IMMP2L: variants seen among roughly 807,000 people sequenced by gnomAD.
IMMP2L encodes mitochondrial inner membrane protease subunit 2.
A neutral mutation model predicts 19.3 loss-of-function variants in IMMP2L; 18 were observed. That is an observed-to-expected ratio of 0.93 (90% CI 0.64 to 1.38). IMMP2L has a LOEUF of 1.38. Among genes scored for constraint, IMMP2L ranks in the 40% most tolerant of loss-of-function variants. The pLI, the probability that IMMP2L is intolerant of heterozygous loss-of-function variation, is 0.00. For missense variants in IMMP2L, 233 were observed against 218.2 expected (o/e 1.07, Z -0.43); for synonymous variants, 76 against 73.0 (o/e 1.04, Z -0.21).
intron 3 of IMMP2L, among the ~76,000 whole-genome samples, chr7:111,317,007 G>A (rs963741686): frequency 6.6e-6 from 1 of 151,530 alleles, no homozygotes; most frequent in Non-Finnish European, 1.5e-5. Flanking sequence ...GTGCAACCAC[G>A]CCCAACTAAT....
chr7:110,702,462 TAAG>T (rs1794351141), intron 5 of IMMP2L, among the ~76,000 whole-genome samples: 1 of 152,168 alleles, frequency 6.6e-6, no homozygotes, highest in South Asian at 2.1e-4. Context: ...ATATTAATAT[TAAG>T]ATCTTAGTGC....
chr7:111,052,200 G>T (rs1182008980), intron 3 of IMMP2L, among the ~76,000 whole-genome samples: 1 of 152,176 alleles, frequency 6.6e-6, no homozygotes, highest in Non-Finnish European at 1.5e-5. Context: ...ATCTCTTGTG[G>T]AGGAAATATG....
intron 3 of IMMP2L, among the ~76,000 whole-genome samples, chr7:111,119,150 T>C (rs1360501215): frequency 6.6e-6 from 1 of 152,166 alleles, no homozygotes; most frequent in Non-Finnish European, 1.5e-5. Flanking sequence ...AACGAATTAA[T>C]TGACAGAAGT....
intron 3 of IMMP2L, among the ~76,000 whole-genome samples, chr7:111,255,073 G>A (rs1182508307): frequency 1.3e-5 from 2 of 151,804 alleles, no homozygotes; most frequent in African/African-American, 4.8e-5. Context: ...TGATGAAACT[G>A]CCAGTTAAAT....
At chr7:111,478,878 T>C (rs1563243197) in intron 3 of IMMP2L, among the ~76,000 whole-genome samples, 3 of 152,166 alleles carry the variant, frequency 2.0e-5, no homozygotes, top group Non-Finnish European at 4.4e-5. Context: ...GTGTTGCGTA[T>C]AAAAAAATTA....
chr7:111,006,970 T>C (rs569267558), intron 3 of IMMP2L, among the ~76,000 whole-genome samples: 1 of 152,228 alleles, frequency 6.6e-6, no homozygotes, highest in Non-Finnish European at 1.5e-5. Context: ...CTTCCCCACT[T>C]TCCCTCCTCC....
At chr7:111,268,569 CTTTTTTTTTTTTTTTTTTTTTTTTTTT>C (rs762576425) in intron 3 of IMMP2L, among the ~76,000 whole-genome samples, 16 of 44,592 alleles carry the variant, frequency 3.6e-4, no homozygotes, top group South Asian at 1.9e-3. Flanking sequence ...TCACATTTCT[CTTTTTTTTTTTTTTTTTTTTTTTTTTT>C]TTTTTTTTTT....
chr7:111,445,272 T>C (rs935997728), intron 3 of IMMP2L, among the ~76,000 whole-genome samples: 35 of 151,470 alleles, frequency 2.3e-4, no homozygotes, highest in African/African-American at 7.5e-4. Context: ...AAAAATGAAA[T>C]CTCATATATT....
At chr7:111,371,869 A>G (rs1334142580) in intron 3 of IMMP2L, among the ~76,000 whole-genome samples, 3 of 152,128 alleles carry the variant, frequency 2.0e-5, no homozygotes, top group Non-Finnish European at 2.9e-5. Context: ...TTGTGAAAAC[A>G]CTGTTTTTAA....
Position 110,952,519 on chromosome 7 carries a change from G to A in IMMP2L, c.305+10981C>T, listed in dbSNP as rs1303770442. On this transcript the variant is annotated intron_variant, in intron 4 of 5. Transcript: ENST00000405709. ...AAGGAGAACTTCATAATGTCCATCT[G>A]TATTGGGGGAAAAGCTGAGGTTCAT... 2.6e-5 allele frequency among the ~76,000 whole-genome samples: 4 copies of A among 152,136 alleles called. No individual in the cohort carries two copies. In the East Asian group the frequency reaches 7.7e-4, roughly 29 times the overall value.
At chr7:110,948,484 A>G (rs1817477413) in intron 4 of IMMP2L, among the ~76,000 whole-genome samples, 1 of 152,244 alleles carries the variant, frequency 6.6e-6, no homozygotes, top group South Asian at 2.1e-4. Context: ...CCACCAAAAC[A>G]TAACTGGAGT....
chr7:110,807,608 A>C (rs1474474259), intron 5 of IMMP2L, among the ~76,000 whole-genome samples: 1 of 152,108 alleles, frequency 6.6e-6, no homozygotes, highest in African/African-American at 2.4e-5. Context: ...AATTTTTAAA[A>C]AAAATTTAAA....
Position 110,777,227 on chromosome 7 carries a change from G to A in IMMP2L, c.408+109366C>T, listed in dbSNP as rs1010710769. On this transcript the variant is annotated intron_variant, in intron 5 of 5. Transcript: ENST00000405709. Reference sequence around the variant, plus strand: ...TGCAACTACCACAGGAGCCCAGCTCGGCAGGTGTGCCTGAAAATCACTTGG... The same window carrying A: ...TGCAACTACCACAGGAGCCCAGCTCAGCAGGTGTGCCTGAAAATCACTTGG... Among the ~76,000 whole-genome samples the A allele has an allele frequency of 1.6e-4, 25 of 151,948 alleles. 1 individual carries two copies. The highest frequency in any genetic ancestry group is 1.1e-3 in the Admixed American group (16 of 15,236).
intron 3 of IMMP2L, among the ~76,000 whole-genome samples, chr7:111,389,141 C>T (rs1337190829): frequency 3.3e-5 from 5 of 152,064 alleles, no homozygotes; most frequent in South Asian, 4.1e-4. Flanking sequence ...AACATAGCAT[C>T]GCTTTTGTGG....
chr7:110,777,219 C>A (rs892997145), intron 5 of IMMP2L, among the ~76,000 whole-genome samples: 2 of 151,938 alleles, frequency 1.3e-5, no homozygotes, highest in African/African-American at 4.8e-5. Context: ...ACCACAGGAG[C>A]CCAGCTCGGC....
In IMMP2L at chr7:110,685,480, T is replaced by C. The variant is rs191000077; in HGVS notation, c.409-21759A>G. 2.6e-5 allele frequency among the ~76,000 whole-genome samples: 4 copies of C among 152,246 alleles called. No individual in the cohort carries two copies. The East Asian group carries it at 7.7e-4, about 29-fold the overall frequency. On this transcript the variant is annotated intron_variant, in intron 5 of 5. Transcript: ENST00000405709. ...AGCCTGATGTACTGCACAACAATAATAACAAGGAATAAGGTGTTGAAAATA... is the reference window on the plus strand; with the variant it reads ...AGCCTGATGTACTGCACAACAATAACAACAAGGAATAAGGTGTTGAAAATA...
At chr7:110,843,906 G>A (rs1217814617) in intron 5 of IMMP2L, among the ~76,000 whole-genome samples, 3 of 152,132 alleles carry the variant, frequency 2.0e-5, no homozygotes, top group African/African-American at 4.8e-5. Flanking sequence ...CTAAGGCAGG[G>A]CACATGAGTG....
At chr7:110,677,225 T>C (rs1437040588) in intron 5 of IMMP2L, among the ~76,000 whole-genome samples, 1 of 152,132 alleles carries the variant, frequency 6.6e-6, no homozygotes, top group Non-Finnish European at 1.5e-5. Flanking sequence ...AACAGATGCA[T>C]GGTTTAAGTA....
At chr7:111,053,535 C>A (rs1446337242) in intron 3 of IMMP2L, among the ~76,000 whole-genome samples, 1 of 152,206 alleles carries the variant, frequency 6.6e-6, no homozygotes, top group Non-Finnish European at 1.5e-5. Flanking sequence ...AGAAAGACTG[C>A]CTTTCCCTAG....
Sources: allele counts gnomAD v4.1 joint callset (sites outside exome capture counted in the v4.1 genomes callset), GRCh38; gene constraint gnomAD v4.1.1; transcripts MANE v1.5; gene names NCBI Gene and HGNC (gene_info 2026-07-23, HGNC 2026-07-21).